RBM19: variants seen among roughly 807,000 people sequenced by gnomAD.
RBM19 encodes RNA binding motif protein 19, also known as probable RNA-binding protein 19.
In RBM19, 94 loss-of-function variants were observed where a neutral mutation model predicts 116.8. The ratio of observed to expected loss-of-function variants is 0.80; its 90% CI spans 0.68 to 0.95. The LOEUF is 0.95. RBM19 is among the 40% of genes least tolerant of loss of function. The probability of loss-of-function intolerance (pLI) is 0.00; values close to 1 mark genes in which losing one functional copy is unlikely to be tolerated. For missense variants in RBM19, 1,161 were observed against 1,220.7 expected, an observed-to-expected ratio of 0.95 and a Z score of 0.73; for synonymous variants, 475 against 494.1, an observed-to-expected ratio of 0.96 and a Z score of 0.51.
chr12:113,917,727 T>C (rs1014092511), intron 20 of RBM19, among the ~76,000 whole-genome samples: 1 of 152,180 alleles, frequency 6.6e-6, no homozygotes, highest in Non-Finnish European at 1.5e-5. Context: ...CCGATGCAAG[T>C]AGATGATAAT....
intron 21 of RBM19, among the ~76,000 whole-genome samples, chr12:113,901,840 TAACA>T (rs1881722033): frequency 6.6e-6 from 1 of 152,160 alleles, no homozygotes; most frequent in Non-Finnish European, 1.5e-5. Flanking sequence ...TAAGCATCCT[TAACA>T]AACAGTTAAC....
At chr12:113,857,327 G>A (rs1037723176) in intron 22 of RBM19, among the ~76,000 whole-genome samples, 3 of 152,256 alleles carry the variant, frequency 2.0e-5, no homozygotes, top group African/African-American at 7.2e-5. Flanking sequence ...CCCACCACAT[G>A]CCAGGACCGA....
chr12:113,867,691 T>G (rs1878926271), intron 21 of RBM19, among the ~76,000 whole-genome samples: 2 of 152,008 alleles, frequency 1.3e-5, no homozygotes, highest in African/African-American at 4.8e-5. Flanking sequence ...GAGCCCAAGG[T>G]GGGTGAATAA....
chr12:113,961,855 T>A (rs1872525934), intron 2 of RBM19, among the ~76,000 whole-genome samples: 1 of 152,244 alleles, frequency 6.6e-6, no homozygotes, highest in Non-Finnish European at 1.5e-5. Context: ...GGCTGAGGCA[T>A]CACCTTTTTC....
chr12:113,907,581 G>A (rs762305420), intron 21 of RBM19, among the ~76,000 whole-genome samples: 9 of 151,014 alleles, frequency 6.0e-5, no homozygotes, highest in South Asian at 2.1e-4. Flanking sequence ...CGGTCCTCGC[G>A]GCCAGCCCTC....
At chr12:113,942,041 C>T (rs1243783037) in intron 14 of RBM19, among the ~76,000 whole-genome samples, 1 of 152,116 alleles carries the variant, frequency 6.6e-6, no homozygotes, top group African/African-American at 2.4e-5. Context: ...CTCTGGGAAG[C>T]CACTGGGTAG....
chr12:113,940,564 G>GAGC (rs1338293271), intron 14 of RBM19, among the ~76,000 whole-genome samples: 1 of 152,210 alleles, frequency 6.6e-6, no homozygotes, highest in Non-Finnish European at 1.5e-5. Context: ...CGCCCCCTGG[G>GAGC]AGCAGCCCAC....
At chr12:113,826,517 T>C (rs751256524) in intron 23 of RBM19, among the ~76,000 whole-genome samples, 2 of 152,194 alleles carry the variant, frequency 1.3e-5, no homozygotes, top group African/African-American at 2.4e-5. Context: ...CCTTCATCCA[T>C]GCTCTCATCC....
intron 23 of RBM19, among the ~76,000 whole-genome samples, chr12:113,833,834 C>G (rs1200020579): frequency 6.6e-6 from 1 of 152,182 alleles, no homozygotes; most frequent in African/African-American, 2.4e-5. Context: ...GCCTCGAACT[C>G]CTGGGCTCAA....
chr12:113,836,008 C>T (rs1435441457), intron 23 of RBM19, among the ~76,000 whole-genome samples: 1 of 152,338 alleles, frequency 6.6e-6, no homozygotes, highest in African/African-American at 2.4e-5. Flanking sequence ...TGGCCTGCCG[C>T]GGCCCTGAAA....
chr12:113,964,295 G>A (rs550002579), intron 1 of RBM19, among the ~76,000 whole-genome samples: 77 of 152,118 alleles, frequency 5.1e-4, no homozygotes, highest in African/African-American at 1.5e-3. Context: ...TAAAATGGGC[G>A]TAAAAATAAA....
intron 21 of RBM19, among the ~76,000 whole-genome samples, chr12:113,877,293 A>C (rs1254048378): frequency 6.6e-6 from 1 of 150,734 alleles, no homozygotes; most frequent in Non-Finnish European, 1.5e-5. Flanking sequence ...CTGACAGTAC[A>C]TTGCGGGGGG....
intron 15 of RBM19, 59 bp downstream of exon 15, chr12:113,939,901 C>A: frequency 6.3e-7 from 1 of 1,575,680 alleles, no homozygotes; most frequent in Admixed American, 1.7e-5. Context: ...CACCCTCTCC[C>A]TTGAAGCAGC....
intron 21 of RBM19, among the ~76,000 whole-genome samples, chr12:113,861,570 AAGAG>A (rs893174284): frequency 2.2e-5 from 3 of 137,096 alleles, no homozygotes; most frequent in African/African-American, 5.4e-5. Context: ...GAAGGAGAGA[AAGAG>A]AGAGAGAGAG....
intron 21 of RBM19, among the ~76,000 whole-genome samples, chr12:113,886,518 A>G (rs938297065): frequency 3.9e-5 from 6 of 152,192 alleles, no homozygotes; most frequent in African/African-American, 1.4e-4. Context: ...AAGTAATCAC[A>G]TAAAGTAATG....
intron 21 of RBM19, among the ~76,000 whole-genome samples, chr12:113,861,142 C>T (rs1402125229): frequency 1.3e-5 from 2 of 152,228 alleles, no homozygotes; most frequent in African/African-American, 4.8e-5. Context: ...TAAGCCCAAG[C>T]TCTCTTTCTG....
chr12:113,840,044 C>A (rs569607527), intron 23 of RBM19, among the ~76,000 whole-genome samples: 1 of 151,416 alleles, frequency 6.6e-6, no homozygotes. Flanking sequence ...GCCAGCCATA[C>A]GGGGACCCAG....
chr12:113,848,920 A>G (rs1345213267), intron 22 of RBM19, among the ~76,000 whole-genome samples: 1 of 152,100 alleles, frequency 6.6e-6, no homozygotes, highest in Non-Finnish European at 1.5e-5. Flanking sequence ...GGATGATCCT[A>G]TCTCCTAGCT....
In RBM19 at chr12:113,825,456, C is replaced by T. The variant is rs1874777670; in HGVS notation, c.2786-2135G>A. ...CGCCAGCCCTGGAGGTGCACAATGGCCTCTGGAAATTGAATTTGTGGGCAG... is the reference window on the plus strand; with the variant it reads ...CGCCAGCCCTGGAGGTGCACAATGGTCTCTGGAAATTGAATTTGTGGGCAG... On this transcript the variant is annotated intron_variant, in intron 23 of 23. Coordinates refer to ENST00000261741, the MANE Select transcript of RBM19 (RefSeq NM_016196.4). The surrounding 1 kb of genome is among the most constrained non-coding windows in gnomAD (Gnocchi z 5.7). Among the ~76,000 whole-genome samples the T allele has an allele frequency of 6.6e-6, 1 of 152,158 alleles. No individual in the cohort carries two copies. Among genetic ancestry groups the T allele is most frequent in the African/African-American group, 2.4e-5 (1 of 41,424 alleles).
Sources: gnomAD v4.1 joint callset for allele counts (sites outside exome capture counted in the v4.1 genomes callset) on GRCh38, gnomAD v4.1.1 for gene constraint, Gnocchi (gnomAD v3.1) non-coding constraint, MANE v1.5 for transcripts, NCBI Gene and HGNC (gene_info 2026-07-23, HGNC 2026-07-21) for gene names.